Variants in GLRA2 observed in about 807,000 individuals in gnomAD.
GLRA2 encodes glycine receptor alpha 2, also known as glycine receptor subunit alpha-2.
GLRA2 carries 11 observed loss-of-function variants against 31.6 expected under a neutral mutation model. That is an observed-to-expected ratio of 0.35 (90% confidence interval 0.22 to 0.58). The LOEUF (loss-of-function observed/expected upper bound fraction) is 0.58, where lower values mean the gene tolerates loss of function less well. GLRA2 is among the 20% of genes least tolerant of loss of function. The pLI is 0.84. For synonymous variants in GLRA2, 132 were observed against 134.0 expected (o/e 0.99, Z 0.10); for missense variants, 212 against 351.8 (o/e 0.60, Z 3.18).
chrX:14,657,245 A>G (rs1050431318), intron 7 of GLRA2, among the ~76,000 whole-genome samples: 7 of 112,465 alleles, frequency 6.2e-5, no homozygotes, highest in Non-Finnish European at 1.1e-4. Flanking sequence ...TTGGGGCAGC[A>G]CAAAAGTAAC....
At chrX:14,544,269 A>T (rs997383151) in intron 2 of GLRA2, among the ~76,000 whole-genome samples, 7 of 112,150 alleles carry the variant, frequency 6.2e-5, no homozygotes, top group Non-Finnish European at 3.8e-5. Context: ...TCTAATAATC[A>T]CCTACTGTTT....
At chrX:14,604,261 A>C in intron 4 of GLRA2, 54 bp from the exon 5 acceptor site, 1 of 712,481 alleles carries the variant, frequency 1.4e-6, no homozygotes, top group East Asian at 3.4e-5. Flanking sequence ...GTTTCTCAAC[A>C]ACTGGACTTC....
At chrX:14,623,365 A>G (rs759035629) in intron 7 of GLRA2, among the ~76,000 whole-genome samples, 19 of 111,123 alleles carry the variant, frequency 1.7e-4, no homozygotes, top group South Asian at 1.1e-3. Context: ...TGATTGCCCT[A>G]GCCAGAACTT....
At chrX:14,662,268 T>A (rs868103151) in intron 7 of GLRA2, among the ~76,000 whole-genome samples, 1 of 110,239 alleles carries the variant, frequency 9.1e-6, no homozygotes, top group African/African-American at 3.3e-5. Flanking sequence ...ACACACACAC[T>A]CTTACATATA....
At chrX:14,481,286 A>G in the GLRA2 span, among the ~76,000 whole-genome samples, 4 of 111,400 alleles carry the variant, frequency 3.6e-5, no homozygotes, top group African/African-American at 1.3e-4. Flanking sequence ...TCCACATTTC[A>G]TCTACTGGTC....
chrX:14,468,944 T>G, the GLRA2 span, among the ~76,000 whole-genome samples: 1 of 111,211 alleles, frequency 9.0e-6, no homozygotes, highest in Non-Finnish European at 1.9e-5. Context: ...CATGTGTTTT[T>G]TGGCTGCATA....
intron 4 of GLRA2, among the ~76,000 whole-genome samples, chrX:14,595,000 G>A (rs927316360): frequency 9.2e-6 from 1 of 108,396 alleles, no homozygotes; most frequent in East Asian, 2.9e-4. Context: ...AGAGGAAAGA[G>A]TCTAACCATA....
chrX:14,719,925 A>C (rs959291244), intron 8 of GLRA2, among the ~76,000 whole-genome samples: 1 of 111,973 alleles, frequency 8.9e-6, no homozygotes. Context: ...CATTATGTTA[A>C]GGGAAATAAG....
chrX:14,527,245 A>C, upstream of GLRA2, among the ~76,000 whole-genome samples: 1 of 111,679 alleles, frequency 9.0e-6, no homozygotes, highest in East Asian at 2.8e-4. Context: ...CTGTGATTTC[A>C]TGCTGCTGGC....
intron 1 of GLRA2, among the ~76,000 whole-genome samples, chrX:14,531,851 A>G (rs2089259821): frequency 9.0e-6 from 1 of 111,633 alleles, no homozygotes; most frequent in South Asian, 3.6e-4. Flanking sequence ...CGAAATGCTG[A>G]AACAATTTTT....
At chrX:14,720,029 A>G (rs1382224311) in intron 8 of GLRA2, among the ~76,000 whole-genome samples, 1 of 111,655 alleles carries the variant, frequency 9.0e-6, no homozygotes, top group Non-Finnish European at 1.9e-5. Flanking sequence ...TGGTTACTAG[A>G]GGAAGAGAAG....
At chrX:14,486,501 T>A in the GLRA2 span, among the ~76,000 whole-genome samples, 1 of 111,776 alleles carries the variant, frequency 8.9e-6, no homozygotes, top group Non-Finnish European at 1.9e-5. Context: ...AAAATTACTA[T>A]CTGGAATATA....
At chrX:14,530,992 A>G in intron 1 of GLRA2, 2 of 888,911 alleles carry the variant, frequency 2.2e-6, no homozygotes, top group South Asian at 4.8e-5. Flanking sequence ...AATGGAACAC[A>G]TAGTAATAAT....
the GLRA2 span, among the ~76,000 whole-genome samples, chrX:14,514,923 A>G: frequency 7.2e-5 from 8 of 111,094 alleles, no homozygotes; most frequent in South Asian, 3.8e-4. Context: ...TATGCTATAT[A>G]CTGTTTATAT....
At chrX:14,458,546 A>T in the GLRA2 span, among the ~76,000 whole-genome samples, 1 of 111,894 alleles carries the variant, frequency 8.9e-6, no homozygotes, top group Non-Finnish European at 1.9e-5. Context: ...GTTTCCTGAC[A>T]TTTTAATGGT....
chrX:14,681,891 CAAAA>C (rs1157722406), intron 7 of GLRA2, among the ~76,000 whole-genome samples: 10 of 26,685 alleles, frequency 3.7e-4, no homozygotes, highest in South Asian at 2.0e-3. Flanking sequence ...GACACCATCT[CAAAA>C]AAAAAAAAAA....
the GLRA2 span, among the ~76,000 whole-genome samples, chrX:14,462,336 C>T: frequency 9.0e-6 from 1 of 110,714 alleles, no homozygotes; most frequent in Non-Finnish European, 1.9e-5. Context: ...TGGGGTTGCT[C>T]TTCTCGAGGA....
chrX:14,538,603 G>A (rs769190223), intron 2 of GLRA2, among the ~76,000 whole-genome samples: 36 of 111,268 alleles, frequency 3.2e-4, no homozygotes, highest in Non-Finnish European at 6.2e-4. Flanking sequence ...ATAAAACAAT[G>A]AGGGAGCCAT....
At chrX:14,584,268 T>C (rs953084503) in intron 4 of GLRA2, among the ~76,000 whole-genome samples, 24 of 112,061 alleles carry the variant, frequency 2.1e-4, no homozygotes, top group African/African-American at 7.1e-4. Context: ...ATTCAAGATA[T>C]TTGGTTTTTG....
Sources: gnomAD v4.1 joint callset for allele counts (sites outside exome capture counted in the v4.1 genomes callset) on GRCh38, gnomAD v4.1.1 for gene constraint, MANE v1.5 for transcripts, NCBI Gene and HGNC (gene_info 2026-07-23, HGNC 2026-07-21) for gene names.